PREX1: variants seen among roughly 807,000 people sequenced by gnomAD.
PREX1 encodes phosphatidylinositol 3,4,5-trisphosphate-dependent Rac exchanger 1 protein.
PREX1 carries 41 observed loss-of-function variants against 198.3 expected under a neutral mutation model. The observed-to-expected ratio is 0.21, with a 90% CI of 0.16 to 0.27. The LOEUF is 0.27. Among genes scored for constraint, PREX1 ranks in the 10% least tolerant of loss-of-function variants. PREX1 has a pLI of 1.00. For synonymous variants in PREX1, 843 were observed against 887.2 expected (o/e 0.95, Z 0.89); for missense variants, 1,620 against 2,200.7 (o/e 0.74, Z 5.28).
chr20:48,827,933 C>T lies in PREX1; in HGVS notation c.-73G>A, dbSNP rs944819350. ...AACTCAGGCGTCCAGGCGCCCCATC[C>T]CGGACGGGGCGCGCCGGCGGGCCGG... On this transcript the variant is annotated 5_prime_UTR_variant, in exon 1 of 40. Transcript: ENST00000371941. The surrounding 1 kb of genome is among the most constrained non-coding windows in gnomAD (Gnocchi z 4.1). 3 of 583,978 alleles carry T rather than the reference C, an allele frequency of 5.1e-6. No individual in the cohort carries two copies. The highest frequency in any genetic ancestry group is 6.4e-6 in the Non-Finnish European group (3 of 466,778). The allele number at this position is 583,978 out of a possible 1,614,324, so 36.2% of individuals were successfully genotyped here.
At chr20:48,783,179 T>C (rs1005246828) in intron 1 of PREX1, among the ~76,000 whole-genome samples, 2 of 151,916 alleles carry the variant, frequency 1.3e-5, no homozygotes, top group Non-Finnish European at 2.9e-5. Flanking sequence ...AAAATACCAT[T>C]TGTAAAGTGT....
At chr20:48,861,141 G>A in the PREX1 span, among the ~76,000 whole-genome samples, 1 of 152,054 alleles carries the variant, frequency 6.6e-6, no homozygotes, top group Non-Finnish European at 1.5e-5. Context: ...AGATCTTTGT[G>A]ACCCCAAAAT....
chr20:48,700,345 C>T (rs1037180884), intron 7 of PREX1, among the ~76,000 whole-genome samples: 4 of 152,192 alleles, frequency 2.6e-5, no homozygotes, highest in Admixed American at 1.3e-4. Flanking sequence ...GCACTCCAAA[C>T]GTACCCACGA....
intron 17 of PREX1, 29 bp downstream of exon 17, chr20:48,658,107 G>A: frequency 6.2e-7 from 1 of 1,603,232 alleles, no homozygotes; most frequent in Non-Finnish European, 8.5e-7. Context: ...CCTGCACACG[G>A]TCCCTGCCAG....
At chr20:48,717,021 T>A (rs935570291) in intron 5 of PREX1, among the ~76,000 whole-genome samples, 2 of 152,196 alleles carry the variant, frequency 1.3e-5, no homozygotes, top group African/African-American at 2.4e-5. Flanking sequence ...ATTCTTTTTT[T>A]AAAAGTAAGT....
At chr20:48,808,832 C>T (rs1381417308) in intron 1 of PREX1, among the ~76,000 whole-genome samples, 2 of 152,228 alleles carry the variant, frequency 1.3e-5, no homozygotes, top group Non-Finnish European at 2.9e-5. Context: ...GGCCTTTGCA[C>T]TTGCTGTTTC....
chr20:48,775,927 A>T (rs2090259244), intron 1 of PREX1, among the ~76,000 whole-genome samples: 1 of 152,154 alleles, frequency 6.6e-6, no homozygotes, highest in African/African-American at 2.4e-5. Flanking sequence ...GCGGTTTTGG[A>T]AATCTGGGCA....
intron 1 of PREX1, among the ~76,000 whole-genome samples, chr20:48,762,044 T>C (rs1003648276): frequency 4.6e-5 from 7 of 152,200 alleles, no homozygotes; most frequent in African/African-American, 1.7e-4. Flanking sequence ...AACACCTGAG[T>C]GTGAGACTTC....
the PREX1 span, among the ~76,000 whole-genome samples, chr20:48,868,606 A>AT: frequency 5.1e-4 from 77 of 152,148 alleles, no homozygotes; most frequent in African/African-American, 1.7e-3. Flanking sequence ...GAAAAACCTG[A>AT]TTTTTTTAAC....
intron 5 of PREX1, among the ~76,000 whole-genome samples, chr20:48,715,568 T>A (rs1427916993): frequency 6.6e-6 from 1 of 152,164 alleles, no homozygotes; most frequent in South Asian, 2.1e-4. Flanking sequence ...TAAAGCCAAG[T>A]GTGTGCATCT....
the PREX1 span, chr20:48,849,577 C>A: frequency 6.6e-6 from 1 of 152,186 alleles, no homozygotes. Flanking sequence ...GGATAGTGGA[C>A]ATATTGTTCT....
rs1457919551 is a variant in PREX1 at position 48,679,429 on chromosome 20, G to A, written c.1540-20C>T. On this transcript the variant is annotated intron_variant, in intron 12 of 39. Transcript: ENST00000371941. ...CACACCCTGAAAGAAAAAAGGGGAG[G>A]AATTCTGGGATCAGGCCACATCCTT... 1.9e-6 allele frequency: 3 copies of A among 1,610,486 alleles called. No individual in the cohort carries two copies. The African/African-American group carries it at 4.0e-5, about 22-fold the overall frequency.
chr20:48,696,638 TACAC>T (rs1290403147), intron 7 of PREX1, among the ~76,000 whole-genome samples: 33 of 145,310 alleles, frequency 2.3e-4, no homozygotes, highest in African/African-American at 8.2e-4. Context: ...CATACATACA[TACAC>T]ACATACACAC....
rs192238451 is a variant in PREX1 at position 48,719,665 on chromosome 20, T to C, written c.621+6625A>G. ...GGACTCTGGGAAATCAAAAGGACAA[T>C]TGTCCAATAGAAAATGGGCAAAGGA... On this transcript the variant is annotated intron_variant, in intron 5 of 39. Coordinates refer to ENST00000371941, the MANE Select transcript of PREX1 (RefSeq NM_020820.4). Among the ~76,000 whole-genome samples the C allele has an allele frequency of 1.0e-3, 154 of 152,190 alleles. 2 individuals carry two copies. Among genetic ancestry groups the C allele is most frequent in the African/African-American group, 3.4e-3 (140 of 41,514 alleles).
intron 1 of PREX1, among the ~76,000 whole-genome samples, chr20:48,822,940 C>T (rs930294008): frequency 6.6e-6 from 1 of 152,160 alleles, no homozygotes; most frequent in Non-Finnish European, 1.5e-5. Flanking sequence ...CCCCAACCAC[C>T]CGTGGCATTT....
intron 16 of PREX1, among the ~76,000 whole-genome samples, chr20:48,659,233 AAAG>A (rs1406147636): frequency 1.0e-5 from 1 of 98,844 alleles, no homozygotes; most frequent in African/African-American, 3.3e-5. Context: ...GAGAGAAAGA[AAAG>A]GAAGGAAGGA....
upstream of PREX1, among the ~76,000 whole-genome samples, chr20:48,829,654 G>A (rs1339033754): frequency 1.3e-5 from 2 of 152,144 alleles, no homozygotes; most frequent in Non-Finnish European, 2.9e-5. Flanking sequence ...TCCTAATAAA[G>A]GCCTCTGGAG....
chr20:48,691,636 T>C lies in PREX1; in HGVS notation c.1037-540A>G, dbSNP rs1489086200. 2.4e-4 allele frequency among the ~76,000 whole-genome samples: 37 copies of C among 152,218 alleles called. No homozygotes were observed. The highest frequency in any genetic ancestry group is 2.9e-5 in the Non-Finnish European group (2 of 68,038). ...TGGCTCAAAACCAAGCAAGAACCCC[T>C]GCTCTGGACAAGCTCAAAAGCACAC... On this transcript the variant is annotated intron_variant, in intron 8 of 39. Transcript: ENST00000371941. The surrounding 1 kb of genome is among the most constrained non-coding windows in gnomAD (Gnocchi z 5.0).
chr20:48,832,792 G>T (rs1458626227), upstream of PREX1, among the ~76,000 whole-genome samples: 2 of 152,332 alleles, frequency 1.3e-5, no homozygotes, highest in East Asian at 3.9e-4. Context: ...CTGGTTCAAG[G>T]TCTGATTTAA....
Sources: gnomAD v4.1 joint callset for allele counts (sites outside exome capture counted in the v4.1 genomes callset) on GRCh38, gnomAD v4.1.1 for gene constraint, Gnocchi (gnomAD v3.1) non-coding constraint, MANE v1.5 for transcripts, NCBI Gene and HGNC (gene_info 2026-07-23, HGNC 2026-07-21) for gene names.